SLC14A2: variants seen among roughly 807,000 people sequenced by gnomAD.
The protein encoded by SLC14A2 is urea transporter 2.
A neutral mutation model predicts 104.6 loss-of-function variants in SLC14A2; 91 were observed. That is an observed-to-expected ratio of 0.87 (90% CI 0.73 to 1.04). The LOEUF (loss-of-function observed/expected upper bound fraction) is 1.04, where lower values mean the gene tolerates loss of function less well. SLC14A2 is among the 50% of genes least tolerant of loss of function. The probability of loss-of-function intolerance (pLI) is 0.00; values close to 1 mark genes in which losing one functional copy is unlikely to be tolerated. For synonymous variants in SLC14A2, 476 were observed against 466.4 expected, an observed-to-expected ratio of 1.02 and a Z score of -0.27; for missense variants, 1,189 against 1,156.0, an observed-to-expected ratio of 1.03 and a Z score of -0.41.
At chr18:45,387,645 G>A (rs2085912639) in intron 1 of SLC14A2, among the ~76,000 whole-genome samples, 1 of 152,126 alleles carries the variant, frequency 6.6e-6, no homozygotes, top group African/African-American at 2.4e-5. Flanking sequence ...GAAATTTCAG[G>A]TATCCTCAGG....
chr18:45,591,327 A>G (rs79349623), intron 2 of SLC14A2, among the ~76,000 whole-genome samples: 3,517 of 150,184 alleles, frequency 0.023, 136 homozygotes, highest in African/African-American at 0.079. Context: ...TGAGATAACA[A>G]TATTTCTTGT....
At chr18:45,213,269 C>T (rs1177840453) in intron 1 of SLC14A2, 2 of 152,026 alleles carry the variant, frequency 1.3e-5, no homozygotes, top group Admixed American at 6.6e-5. Flanking sequence ...AATTATATGG[C>T]TTTCTGAATT....
intron 1 of SLC14A2, among the ~76,000 whole-genome samples, chr18:45,313,471 C>G (rs1053340099): frequency 6.6e-6 from 1 of 152,144 alleles, no homozygotes; most frequent in African/African-American, 2.4e-5. Flanking sequence ...TCTGCTATAC[C>G]GTCTCTCATT....
At chr18:45,359,457 G>C (rs1810052532) in intron 1 of SLC14A2, among the ~76,000 whole-genome samples, 1 of 152,162 alleles carries the variant, frequency 6.6e-6, no homozygotes, top group South Asian at 2.1e-4. Context: ...AAGAGATAAG[G>C]AGTAGGCCTC....
chr18:45,301,350 T>C (rs2144191516), intron 1 of SLC14A2, among the ~76,000 whole-genome samples: 1 of 152,288 alleles, frequency 6.6e-6, no homozygotes, highest in East Asian at 1.9e-4. Flanking sequence ...CCACTGAGCC[T>C]CCACGCTGGG....
At chr18:45,388,164 C>T (rs1182465045) in intron 1 of SLC14A2, among the ~76,000 whole-genome samples, 3 of 142,682 alleles carry the variant, frequency 2.1e-5, no homozygotes, top group African/African-American at 7.8e-5. Context: ...CAAGCTCCGC[C>T]TCCTGGGTTC....
intron 15 of SLC14A2, 105 bp downstream of exon 15, chr18:45,668,582 T>A: frequency 7.8e-7 from 1 of 1,282,052 alleles, no homozygotes; most frequent in Admixed American, 1.9e-5. Context: ...GTGGCATGTA[T>A]TTAGCTTGCA....
chr18:45,212,827 G>A (rs2083972998), upstream of SLC14A2, among the ~76,000 whole-genome samples: 2 of 152,096 alleles, frequency 1.3e-5, no homozygotes, highest in South Asian at 4.2e-4. Flanking sequence ...ATTAGGACCT[G>A]GCCTATACAG....
At chr18:45,302,511 C>G (rs906887240) in intron 1 of SLC14A2, among the ~76,000 whole-genome samples, 2 of 152,182 alleles carry the variant, frequency 1.3e-5, no homozygotes, top group African/African-American at 4.8e-5. Flanking sequence ...GGCCCTTTGT[C>G]TATTTTCCCA....
chr18:45,539,294 ATCT>A (rs2043848625), intron 2 of SLC14A2, among the ~76,000 whole-genome samples: 1 of 151,918 alleles, frequency 6.6e-6, no homozygotes, highest in Admixed American at 6.6e-5. Context: ...GAACACCAAG[ATCT>A]TCTCCCCTAC....
At chr18:45,447,845 C>T (rs1409451026) in intron 1 of SLC14A2, among the ~76,000 whole-genome samples, 1 of 152,190 alleles carries the variant, frequency 6.6e-6, no homozygotes, top group Non-Finnish European at 1.5e-5. Context: ...ACTGGCAGTG[C>T]AGCCTTTTGC....
intron 1 of SLC14A2, among the ~76,000 whole-genome samples, chr18:45,413,880 G>A (rs1201943079): frequency 6.6e-6 from 1 of 152,058 alleles, no homozygotes; most frequent in Non-Finnish European, 1.5e-5. Context: ...TAGGTGTTTT[G>A]TGAAGATCAA....
At chr18:45,621,646 G>T (rs763724472) in intron 1 of SLC14A2, among the ~76,000 whole-genome samples, 1 of 152,168 alleles carries the variant, frequency 6.6e-6, no homozygotes, top group Non-Finnish European at 1.5e-5. Flanking sequence ...GCCACACACT[G>T]TGCTAGGAGC....
intron 11 of SLC14A2, among the ~76,000 whole-genome samples, chr18:45,665,674 C>A (rs1599147051): frequency 7.5e-6 from 1 of 133,420 alleles, no homozygotes; most frequent in African/African-American, 2.8e-5. Context: ...AGGGCTTCAA[C>A]AACAACCAAG....
rs769663095 is a variant in SLC14A2 at position 45,666,205 on chromosome 18, A to G, written c.1543A>G (p.Thr515Ala). The change falls in exon 12 of 20, where the codon ACA becomes GCA. Residue 515 changes from threonine to alanine, a missense_variant. Coordinates refer to ENST00000255226, the MANE Select transcript of SLC14A2 (RefSeq NM_007163.4). The part of the protein sequence containing the change: ...DPFPYRYRKP[T>A]VELLDLDTME... The stretch of plus-strand genomic sequence containing the variant: ...ATTTCCCTATCGATACCGGAAGCCC[A>G]CAGTCGAGCTGCTTGTGAGTACTGA... 1.7e-5 allele frequency: 28 copies of G among 1,612,474 alleles called. No homozygotes were observed. Among genetic ancestry groups the G allele is most frequent in the African/African-American group, 5.3e-5 (4 of 74,918 alleles).
intron 1 of SLC14A2, among the ~76,000 whole-genome samples, chr18:45,430,823 G>A (rs1252714897): frequency 6.6e-6 from 1 of 152,094 alleles, no homozygotes; most frequent in African/African-American, 2.4e-5. Context: ...TTCACATGGT[G>A]GGAAGAAGGG....
chr18:45,496,378 T>G (rs958533921), intron 2 of SLC14A2, among the ~76,000 whole-genome samples: 1 of 152,142 alleles, frequency 6.6e-6, no homozygotes, highest in Admixed American at 6.5e-5. Flanking sequence ...AGATTGACAT[T>G]TGAGTCAGTG....
At chr18:45,526,769 G>T (rs982385003) in intron 2 of SLC14A2, among the ~76,000 whole-genome samples, 4 of 152,134 alleles carry the variant, frequency 2.6e-5, no homozygotes, top group Admixed American at 2.0e-4. Context: ...GAACAAGATT[G>T]TAAGGCCTGA....
chr18:45,191,011 C>T, the SLC14A2 span, among the ~76,000 whole-genome samples: 3 of 152,146 alleles, frequency 2.0e-5, no homozygotes, highest in African/African-American at 7.2e-5. Flanking sequence ...AGAAAATATG[C>T]TTCTTGAGCT....
Sources: gnomAD v4.1 joint callset for allele counts (sites outside exome capture counted in the v4.1 genomes callset) on GRCh38, gnomAD v4.1.1 for gene constraint, MANE v1.5 for transcripts, NCBI Gene and HGNC (gene_info 2026-07-23, HGNC 2026-07-21) for gene names.